The following TMEM209 variants were observed in gnomAD, a reference collection of about 807,000 sequenced individuals.
The protein encoded by TMEM209 is transmembrane protein 209, also known as testicular tissue protein Li 202.
A neutral mutation model predicts 76.2 loss-of-function variants in TMEM209; 65 were observed. That is an observed-to-expected ratio of 0.85 (90% CI 0.70 to 1.05). The LOEUF is 1.05. TMEM209 is among the 50% of genes least tolerant of loss of function. TMEM209 has a pLI of 0.00. For missense variants in TMEM209, 623 were observed against 685.5 expected, an observed-to-expected ratio of 0.91 and a Z score of 1.02; for synonymous variants, 239 against 237.6, an observed-to-expected ratio of 1.01 and a Z score of -0.06.
At chr7:130,170,915 A>G (rs1347806245) in intron 13 of TMEM209, among the ~76,000 whole-genome samples, 2 of 150,374 alleles carry the variant, frequency 1.3e-5, no homozygotes, top group African/African-American at 2.5e-5. Flanking sequence ...CGCAACCTCC[A>G]TCTCCTGGGT....
rs1047364762 is a variant in TMEM209 at position 130,192,885 on chromosome 7, T to G, written c.574-62A>C. 2.0e-6 allele frequency: 3 copies of G among 1,536,548 alleles called. No homozygotes were observed. The South Asian group carries it at 3.6e-5, about 18-fold the overall frequency. On this transcript the variant is annotated intron_variant, in intron 5 of 14. Coordinates refer to ENST00000397622, the MANE Select transcript of TMEM209 (RefSeq NM_032842.4). ...TAATTGAAATTCATTTTGTTTTGGT[T>G]TTTGACTTAAGTAAAACACCTAGTA...
intron 1 of TMEM209, 48 bp downstream of exon 1, chr7:130,205,325 C>T (rs762658458): frequency 8.1e-6 from 13 of 1,613,842 alleles, no homozygotes; most frequent in Non-Finnish European, 9.3e-6. Context: ...TCCCACAACC[C>T]GCGTAGATTC....
chr7:130,167,794 G>A (rs1157721647), intron 14 of TMEM209, among the ~76,000 whole-genome samples: 2 of 151,922 alleles, frequency 1.3e-5, no homozygotes, highest in East Asian at 3.9e-4. Context: ...TGGGTTTATG[G>A]TCATAAATCC....
At chr7:130,194,582 A>G (rs1249292421) in intron 5 of TMEM209, among the ~76,000 whole-genome samples, 1 of 152,212 alleles carries the variant, frequency 6.6e-6, no homozygotes, top group Non-Finnish European at 1.5e-5. Context: ...AGCTTTGTCA[A>G]TGTTACAATG....
chr7:130,190,609 C>T (rs1157001209), intron 6 of TMEM209, among the ~76,000 whole-genome samples: 1 of 145,866 alleles, frequency 6.9e-6, no homozygotes, highest in African/African-American at 2.5e-5. Flanking sequence ...AAGGAATAAA[C>T]ATAGAAGAAA....
intron 4 of TMEM209, among the ~76,000 whole-genome samples, 174 bp downstream of exon 4, chr7:130,202,358 G>A (rs544342725): frequency 5.5e-4 from 84 of 152,316 alleles, no homozygotes; most frequent in African/African-American, 1.9e-3. Flanking sequence ...CCATGAAATA[G>A]CTGAATGTAT....
intron 9 of TMEM209, 140 bp downstream of exon 9, chr7:130,181,483 A>G: frequency 1.5e-6 from 1 of 662,424 alleles, no homozygotes; most frequent in Non-Finnish European, 2.6e-6. Flanking sequence ...GTCACGTTAA[A>G]AAAAAATCAA....
At chr7:130,194,598 A>G (rs1797909167) in intron 5 of TMEM209, among the ~76,000 whole-genome samples, 1 of 152,218 alleles carries the variant, frequency 6.6e-6, no homozygotes, top group African/African-American at 2.4e-5. Context: ...CAATGAAGAT[A>G]GCTGTACATA....
intron 10 of TMEM209, among the ~76,000 whole-genome samples, chr7:130,176,425 G>A (rs1221775602): frequency 6.6e-6 from 1 of 151,984 alleles, no homozygotes; most frequent in African/African-American, 2.4e-5. Flanking sequence ...CCAGCCCACT[G>A]TATTCTTTAA....
At chr7:130,187,263 T>C (rs1178227935) in intron 6 of TMEM209, among the ~76,000 whole-genome samples, 1 of 148,430 alleles carries the variant, frequency 6.7e-6, no homozygotes, top group African/African-American at 2.5e-5. Flanking sequence ...AAAACCTCGA[T>C]CTCAAAAAAA....
intron 14 of TMEM209, among the ~76,000 whole-genome samples, chr7:130,169,545 C>T (rs1033189421): frequency 2.0e-5 from 3 of 152,174 alleles, no homozygotes; most frequent in African/African-American, 4.8e-5. Context: ...TACACTTTAG[C>T]GCACCTCAAT....
At chr7:130,169,060 A>G (rs1210541103) in intron 14 of TMEM209, among the ~76,000 whole-genome samples, 1 of 151,948 alleles carries the variant, frequency 6.6e-6, no homozygotes, top group African/African-American at 2.4e-5. Context: ...AACATGGAGA[A>G]ACCCCGTCTC....
chr7:130,170,888 G>C (rs534969348), intron 13 of TMEM209, among the ~76,000 whole-genome samples: 5 of 151,808 alleles, frequency 3.3e-5, no homozygotes, highest in African/African-American at 9.7e-5. Context: ...GAGTGCAGTG[G>C]TGTGATCTCA....
Position 130,204,065 on chromosome 7 carries a change from T to C in TMEM209, c.49A>G (p.Ile17Val), listed in dbSNP as rs1798326129. ...HPSASLIDRT[I>V]KMRKETEARK... ...GCCTCTGTTTCTTTTCTCATCTTGATGGTTCTGTCAATAAGGGAAGCACTA... is the reference window on the plus strand; with the variant it reads ...GCCTCTGTTTCTTTTCTCATCTTGACGGTTCTGTCAATAAGGGAAGCACTA... The change falls in exon 2 of 15, where the codon ATC becomes GTC. Residue 17 changes from isoleucine to valine, a missense_variant. By Grantham distance (29) the Ile-to-Val change is conservative (BLOSUM62 3). Transcript: ENST00000397622. The C allele has an allele frequency of 1.9e-6, 3 of 1,612,984 alleles. No homozygotes were observed. The highest frequency in any genetic ancestry group is 2.7e-5 in the African/African-American group (2 of 74,924).
At chr7:130,201,691 G>T in intron 5 of TMEM209, 159 bp downstream of exon 5, 1 of 872,336 alleles carries the variant, frequency 1.1e-6, no homozygotes, top group Non-Finnish European at 1.7e-6. Context: ...TTAAGATGTT[G>T]TGTTTAAGAT....
chr7:130,173,967 A>T (rs1395720082), intron 11 of TMEM209, 28 bp from the exon 12 acceptor site: 1 of 1,458,546 alleles, frequency 6.9e-7, no homozygotes, highest in Admixed American at 1.7e-5. Context: ...ATTTTTTTTT[A>T]AGTCAGCATG....
Position 130,165,279 on chromosome 7 carries a change from T to C in TMEM209, c.*1172A>G, listed in dbSNP as rs927949165. On this transcript the variant is annotated 3_prime_UTR_variant, in exon 15 of 15. Coordinates refer to ENST00000397622, the MANE Select transcript of TMEM209 (RefSeq NM_032842.4). ...CTCTAATATGTTAATCAAGAAAATA[T>C]ATGCAATTGCCAGCTACTACATATA... is the stretch of plus-strand genomic sequence containing the variant. 6.6e-6 allele frequency: 1 copy of C among 152,192 alleles called. No individual in the cohort carries two copies. The highest frequency in any genetic ancestry group is 1.5e-5 in the Non-Finnish European group (1 of 68,034). 9.4% of individuals were successfully genotyped at this position (152,192 alleles called of 1,614,324 possible).
At chr7:130,201,576 GTAAAAAA>G (rs1798200515) in intron 5 of TMEM209, among the ~76,000 whole-genome samples, 1 of 152,166 alleles carries the variant, frequency 6.6e-6, no homozygotes, top group African/African-American at 2.4e-5. Flanking sequence ...AGCAACTAAA[GTAAAAAA>G]TTATCCTTGT....
chr7:130,171,980 C>T (rs954152064), intron 13 of TMEM209, among the ~76,000 whole-genome samples: 1 of 151,956 alleles, frequency 6.6e-6, no homozygotes, highest in African/African-American at 2.4e-5. Context: ...TTGCAGTGAG[C>T]CGAGATCACA....
Sources: gnomAD v4.1 joint callset for allele counts (sites outside exome capture counted in the v4.1 genomes callset) on GRCh38, gnomAD v4.1.1 for gene constraint, MANE v1.5 for transcripts, NCBI Gene and HGNC (gene_info 2026-07-23, HGNC 2026-07-21) for gene names.